TUBGCP6: variants seen among roughly 807,000 people sequenced by gnomAD.
The protein encoded by TUBGCP6 is tubulin gamma complex component 6.
TUBGCP6 carries 161 observed loss-of-function variants against 175.8 expected under a neutral mutation model. The ratio of observed to expected loss-of-function variants is 0.92; its 90% confidence interval spans 0.81 to 1.04. The LOEUF is 1.04. Ranked by LOEUF, TUBGCP6 falls within the 50% of genes least tolerant of loss-of-function variation. The probability of loss-of-function intolerance (pLI) is 0.00; values close to 1 mark genes in which losing one functional copy is unlikely to be tolerated. For missense variants in TUBGCP6, 2,572 were observed against 2,433.0 expected (o/e 1.06, Z -1.20); for synonymous variants, 1,173 against 1,030.5 (o/e 1.14, Z -2.65).
rs1387908142 is a variant in TUBGCP6, at chr22:50,221,011, C to T, written c.3348G>A (p.Arg1116=). The change falls in exon 16 of 25, where the codon AGG becomes AGA. Residue 1116 remains arginine (R), a synonymous_variant. Transcript: ENST00000248846. The part of the protein sequence containing the change: ...IHGHVSNASI[R]VGENVSDVAP... ...CCACATCTGACACATTCTCCCCGAC[C>T]CTGATGCTGGCGTTGGACACATGTC... 1 of 1,606,842 alleles carries T rather than the reference C, an allele frequency of 6.2e-7. No individual in the cohort carries two copies. Among genetic ancestry groups the T allele is most frequent in the Admixed American group, 1.7e-5 (1 of 58,944 alleles).
In TUBGCP6 at chr22:50,226,999, G is replaced by A. The variant is rs192038717; in HGVS notation, c.1491C>T (p.Thr497=). Residue 497 remains threonine, a splice_region_variant and synonymous_variant, in exon 6 of 25, where the codon ACC becomes ACT. Transcript: ENST00000248846. ...CACTCGGCAGGGACGCACAACTCAC[G>A]GTGGGAAACGCGGCCCTGGGGCCTC... ...CGGGPRAAFP[T]GVKLLSYLYQ... 2.4e-5 allele frequency: 39 copies of A among 1,611,472 alleles called. No homozygotes were observed. Among genetic ancestry groups the A allele is most frequent in the Middle Eastern group, 1.7e-4 (1 of 6,040 alleles).
At position 50,226,396 on chromosome 22, in the gene TUBGCP6, C is replaced by G. The variant is rs769454700; in HGVS notation, c.1602-18G>C. ...GGATGAACCTGCAGTGGGGGAAAAG[C>G]AGGGGTAGATGTGGTCAACGGAGAG... On this transcript the variant is annotated intron_variant, in intron 7 of 24. Coordinates refer to ENST00000248846, the MANE Select transcript of TUBGCP6 (RefSeq NM_020461.4). 3.1e-6 allele frequency: 5 copies of G among 1,588,168 alleles called. No individual in the cohort carries two copies. The South Asian group carries it at 4.5e-5, about 14-fold the overall frequency.
At chr22:50,222,217 G>A in intron 14 of TUBGCP6, 115 bp from the exon 15 acceptor site, 1 of 1,257,162 alleles carries the variant, frequency 8.0e-7, no homozygotes. Flanking sequence ...ACCAGACAAG[G>A]CTTGTGCTGG....
At chr22:50,219,038 C>T (rs1420898455) in intron 20 of TUBGCP6, 30 bp downstream of exon 20, 2 of 1,610,210 alleles carry the variant, frequency 1.2e-6, no homozygotes, top group Admixed American at 3.3e-5. Flanking sequence ...TCCCCTCTAC[C>T]ACTGGCCCCA....
Position 50,219,751 on chromosome 22 carries a change from T to G in TUBGCP6, c.4208A>C (p.Glu1403Ala), listed in dbSNP as rs753473295. 2.2e-5 allele frequency: 36 copies of G among 1,613,480 alleles called. No homozygotes were observed. In the Admixed American group the frequency reaches 5.7e-4, roughly 25 times the overall value. Reference protein sequence around the residue: ...AAQSSPGRGEEAEASAAEAQG... With the variant: ...AAQSSPGRGEAAEASAAEAQG... ...AGCCTCCGCCGCCGATGCCTCCGCC[T>G]CCTCACCACGGCCTGGGCTGCTCTG... The change falls in exon 18 of 25, where the codon GAG becomes GCG. Residue 1403 changes from glutamate (E) to alanine (A), a missense_variant. By Grantham distance (107) the Glu-to-Ala change is moderately radical (BLOSUM62 -1). Transcript: ENST00000248846.
rs747087150 is a variant in TUBGCP6, at chr22:50,220,234, A to C, written c.4108+17T>G. ...TCCCACAGTCCCACTCCTGACCACC[A>C]GCCACCCTACTCTGACCTAGTTCTT... is the stretch of plus-strand genomic sequence containing the variant. On this transcript the variant is annotated intron_variant, in intron 16 of 24. Transcript: ENST00000248846. The C allele has an allele frequency of 6.5e-7, 1 of 1,544,036 alleles. No homozygotes were observed.
At position 50,217,697 on chromosome 22, in the gene TUBGCP6, G is replaced by A. The variant is rs9628305; in HGVS notation, c.*39C>T. 1.2e-3 allele frequency: 1,890 copies of A among 1,589,640 alleles called. 24 individuals are homozygous for A. In the African/African-American group the frequency reaches 0.021, roughly 18 times the overall value. On this transcript the variant is annotated 3_prime_UTR_variant, in exon 25 of 25. Coordinates refer to ENST00000248846, the MANE Select transcript of TUBGCP6 (RefSeq NM_020461.4). ...GGAGAGAGAGCTGCAGACAGGGTCC[G>A]AGAACACCTTTATTGTGCACGTCCC... is the stretch of plus-strand genomic sequence containing the variant.
Position 50,229,532 on chromosome 22 carries a change from C to T in TUBGCP6, c.1162G>A (p.Ala388Thr). The change falls in exon 4 of 25, where the codon GCG becomes ACG. Residue 388 changes from alanine to threonine, a missense_variant. By Grantham distance (58) the Ala-to-Thr change is moderately conservative. Coordinates refer to ENST00000248846, the MANE Select transcript of TUBGCP6 (RefSeq NM_020461.4). ...AGGCTGCTGATGCTCTCGGGAGACG[C>T]TCCTGACACGTGGACGCCCCGCTTC... The part of the protein sequence containing the change: ...VVKRGVHVSG[A>T]SPESISSLLS... 6.2e-7 allele frequency: 1 copy of T among 1,605,484 alleles called. No homozygotes were observed. Among genetic ancestry groups the T allele is most frequent in the South Asian group, 1.1e-5 (1 of 89,574 alleles).
At position 50,243,808 on chromosome 22, in the gene TUBGCP6, G is replaced by C. The variant is rs1375875073; in HGVS notation, c.652C>G (p.Leu218Val). ...RDTRVSLFGA[L>V]VHSRTYDMDV... ...ATGTCATAAGTGCGGCTGTGCACAA[G>C]GGCCCCGAAGAGCGAGACCCGGGTG... The change falls in exon 1 of 25, where the codon CTT (leucine) becomes GTT (valine). Residue 218 changes from leucine to valine, a missense_variant. Coordinates refer to ENST00000248846, the MANE Select transcript of TUBGCP6 (RefSeq NM_020461.4). 1.9e-6 allele frequency: 3 copies of C among 1,613,634 alleles called. No individual in the cohort carries two copies. Among genetic ancestry groups the C allele is most frequent in the South Asian group, 1.1e-5 (1 of 91,076 alleles).
rs774472966 is a variant in TUBGCP6, at chr22:50,219,371, A to G, written c.4401T>C (p.Ala1467=). ...FPVDPQVQSA[A]DETAVQLSEL... ...CGCTCAGCTGCACAGCAGTCTCATC[A>G]GCGGCAGACTGGACCTGGGGGTCCA... Residue 1467 remains alanine (A), a synonymous_variant, in exon 19 of 25, where the codon GCT becomes GCC. Transcript: ENST00000248846. 45 of 1,583,574 alleles carry G rather than the reference A, an allele frequency of 2.8e-5. No individual in the cohort carries two copies. The highest frequency in any genetic ancestry group is 1.7e-4 in the South Asian group (15 of 87,388).
chr22:50,240,133 C>T (rs776838539), intron 2 of TUBGCP6, 71 bp downstream of exon 2: 2 of 1,596,476 alleles, frequency 1.3e-6, no homozygotes, highest in Non-Finnish European at 1.7e-6. Flanking sequence ...ACGCCCCCCA[C>T]ACACCCCATC....
At chr22:50,243,491 G>C (rs2147219825) in intron 1 of TUBGCP6, among the ~76,000 whole-genome samples, 1 of 149,440 alleles carries the variant, frequency 6.7e-6, no homozygotes, top group Non-Finnish European at 1.5e-5. Context: ...GGTGGCAGGT[G>C]CCTGTAATTT....
chr22:50,238,522 T>G (rs1230741622), intron 2 of TUBGCP6, among the ~76,000 whole-genome samples: 1 of 143,380 alleles, frequency 7.0e-6, no homozygotes, highest in African/African-American at 2.6e-5. Context: ...AGCAATAACT[T>G]GTAGGGCCAG....
At position 50,244,343 on chromosome 22, in the gene TUBGCP6, C is replaced by T. The variant is rs758511360; in HGVS notation, c.117G>A (p.Lys39=). 22 of 1,613,510 alleles carry T rather than the reference C, an allele frequency of 1.4e-5. No individual in the cohort carries two copies. The South Asian group carries it at 2.4e-4, about 18-fold the overall frequency. The part of the protein sequence containing the change: ...NRKRAKRSLK[K]VAYNALFTNL... ...TTGTGAAAAGAGCATTGTAGGCCAC[C>T]TTCTTGAGGCTCCGCTTTGCCCTCT... Residue 39 remains lysine, a synonymous_variant, in exon 1 of 25, where the codon AAG becomes AAA. Transcript: ENST00000248846.
chr22:50,227,104 G>A (rs1332572795), intron 5 of TUBGCP6, 27 bp from the exon 6 acceptor site: 7 of 1,595,958 alleles, frequency 4.4e-6, no homozygotes, highest in Non-Finnish European at 6.0e-6. Context: ...GATGAGACCA[G>A]GTGACCGGGC....
At chr22:50,243,607 G>A (rs1422261619) in intron 1 of TUBGCP6, 112 bp downstream of exon 1, 5 of 1,005,518 alleles carry the variant, frequency 5.0e-6, no homozygotes, top group Non-Finnish European at 5.4e-6. Flanking sequence ...GACAGAGTGA[G>A]ACACTGTCTC....
In TUBGCP6 at chr22:50,226,370, T is replaced by C. The variant is rs2064609281; in HGVS notation, c.1610A>G (p.His537Arg). The C allele has an allele frequency of 1.2e-6, 2 of 1,606,164 alleles. No individual in the cohort carries two copies. The highest frequency in any genetic ancestry group is 1.7e-4 in the Middle Eastern group (1 of 6,050). ...GAACACCCCGCTGTACACCCAGTCG[T>C]GGATGAACCTGCAGTGGGGGAAAAG... ...TSCEPYTRFI[H>R]DWVYSGVFRD... Residue 537 changes from histidine (H) to arginine (R), a missense_variant, in exon 8 of 25, where the codon CAC (histidine) becomes CGC (arginine). Coordinates refer to ENST00000248846, the MANE Select transcript of TUBGCP6 (RefSeq NM_020461.4).
intron 2 of TUBGCP6, among the ~76,000 whole-genome samples, chr22:50,235,804 G>A (rs1465769243): frequency 6.6e-6 from 1 of 152,118 alleles, no homozygotes; most frequent in Admixed American, 6.6e-5. Context: ...GCTGGGCGTG[G>A]TGGCGGGCAT....
chr22:50,224,575 A>G lies in TUBGCP6; in HGVS notation c.2001T>C (p.Ile667=). 1 of 1,614,028 alleles carries G rather than the reference A, an allele frequency of 6.2e-7. No individual in the cohort carries two copies. Among genetic ancestry groups the G allele is most frequent in the South Asian group, 1.1e-5 (1 of 91,086 alleles). Residue 667 remains isoleucine, a synonymous_variant, in exon 11 of 25, where the codon ATT becomes ATC. Transcript: ENST00000248846. ...SKEEKELRME[I]AKQELIAHAR... The stretch of plus-strand genomic sequence containing the variant: ...CATGAGCGATTAATTCTTGTTTTGC[A>G]ATTTCCATACGTAATTCCTGAGAAA...
Sources: allele counts gnomAD v4.1 joint callset (sites outside exome capture counted in the v4.1 genomes callset), GRCh38; gene constraint gnomAD v4.1.1; transcripts MANE v1.5; gene names NCBI Gene and HGNC (gene_info 2026-07-23, HGNC 2026-07-21).